OLFML2A: variants seen among roughly 807,000 people sequenced by gnomAD.
OLFML2A encodes the protein olfactomedin-like protein 2A.
In OLFML2A, 47 loss-of-function variants were observed where a neutral mutation model predicts 60.9. That is an observed-to-expected ratio of 0.77 (90% CI 0.61 to 0.98). The LOEUF (loss-of-function observed/expected upper bound fraction) is 0.98, where lower values mean the gene tolerates loss of function less well. OLFML2A is among the 50% of genes least tolerant of loss of function. The pLI is 0.00. For synonymous variants in OLFML2A, 372 were observed against 375.0 expected, an observed-to-expected ratio of 0.99 and a Z score of 0.09; for missense variants, 922 against 879.8, an observed-to-expected ratio of 1.05 and a Z score of -0.61.
In OLFML2A at chr9:124,799,473, C is replaced by G. The variant is rs1841733019; in HGVS notation, c.651C>G (p.Gly217=). The G allele has an allele frequency of 6.2e-7, 1 of 1,600,426 alleles. No homozygotes were observed. The highest frequency in any genetic ancestry group is 8.5e-7 in the Non-Finnish European group (1 of 1,174,540). The change falls in exon 4 of 8, where the codon GGC becomes GGG. Residue 217 remains glycine (G), a synonymous_variant. Transcript: ENST00000373580. ...CCGCCCCTGCCACCCCTGCCACGGG[C>G]ACTGGTAGCAAGGCCCAGGTGAGGC... The part of the protein sequence containing the change: ...AAAAPATPAT[G]TGSKAQDTAR...
At position 124,813,521 on chromosome 9, in the gene OLFML2A, G is replaced by A. The variant is rs11788516; in HGVS notation, c.*3109G>A. The A allele has an allele frequency of 0.092, 13,933 of 152,224 alleles. 958 individuals carry two copies. The highest frequency in any genetic ancestry group is 0.24 in the East Asian group (1,218 of 5,160). 9.4% of individuals were successfully genotyped at this position (152,224 alleles called of 1,614,324 possible). ...CACAGCAGCTCAGCCTGTTCCAGGC[G>A]CTGGTCAGTGCGTGTTCTTTGCCAC... On this transcript the variant is annotated 3_prime_UTR_variant, in exon 8 of 8. Coordinates refer to ENST00000373580, the MANE Select transcript of OLFML2A (RefSeq NM_182487.4).
rs999580592 is a variant in OLFML2A, at chr9:124,812,305, A to C, written c.*1893A>C. ...CCTCCCTAGTAGCTGGGACTACAGC[A>C]CCCACCACCACACCCAGCTAATTTT... is the stretch of plus-strand genomic sequence containing the variant. On this transcript the variant is annotated 3_prime_UTR_variant, in exon 8 of 8. Transcript: ENST00000373580. The C allele has an allele frequency of 1.3e-5, 2 of 151,838 alleles. No homozygotes were observed. The highest frequency in any genetic ancestry group is 2.9e-5 in the Non-Finnish European group (2 of 68,082). The allele number at this position is 151,838 out of a possible 1,614,324, so 9.4% of individuals were successfully genotyped here.
chr9:124,781,528 T>G (rs577773456), intron 1 of OLFML2A, among the ~76,000 whole-genome samples: 1 of 152,192 alleles, frequency 6.6e-6, no homozygotes, highest in African/African-American at 2.4e-5. Flanking sequence ...GCGTGGTGGC[T>G]CACACCTGTA....
chr9:124,781,788 C>T (rs527893811), intron 1 of OLFML2A, among the ~76,000 whole-genome samples: 15 of 147,458 alleles, frequency 1.0e-4, no homozygotes, highest in African/African-American at 2.8e-4. Context: ...AGCAAGAATC[C>T]GGCCAAAAAA....
chr9:124,783,600 T>C (rs551087820), intron 1 of OLFML2A, among the ~76,000 whole-genome samples: 2 of 152,376 alleles, frequency 1.3e-5, no homozygotes, highest in African/African-American at 4.8e-5. Context: ...ATGTTACAGA[T>C]GAAACAGAGG....
At chr9:124,796,254 C>A (rs1038419544) in intron 3 of OLFML2A, among the ~76,000 whole-genome samples, 2 of 152,230 alleles carry the variant, frequency 1.3e-5, no homozygotes, top group Admixed American at 6.5e-5. Flanking sequence ...ATTGGCCAAG[C>A]CCCTGGCAGC....
intron 1 of OLFML2A, among the ~76,000 whole-genome samples, chr9:124,778,238 G>C (rs1016126121): frequency 1.3e-5 from 2 of 151,980 alleles, no homozygotes; most frequent in African/African-American, 4.8e-5. Flanking sequence ...GTGGGCGCCT[G>C]TAGTCCCAGC....
intron 1 of OLFML2A, among the ~76,000 whole-genome samples, chr9:124,780,470 G>T (rs1478425897): frequency 6.6e-6 from 1 of 152,218 alleles, no homozygotes; most frequent in Non-Finnish European, 1.5e-5. Flanking sequence ...CAGGCAGGCG[G>T]TGGTGTCCGG....
In OLFML2A at chr9:124,801,576, C is replaced by A. The variant is rs1841777429; in HGVS notation, c.832C>A (p.Pro278Thr). Residue 278 changes from proline to threonine, a missense_variant, in exon 5 of 8, where the codon CCC becomes ACC. Pro to Thr is a conservative substitution (Grantham distance 38). Coordinates refer to ENST00000373580, the MANE Select transcript of OLFML2A (RefSeq NM_182487.4). ...KGSFLQPTAK[P>T]RALAQQQAVI... ...CAGTTTCCTCCAGCCCACAGCCAAG[C>A]CCCGCGCCCTGGCCCAGCAGCAGGC... The A allele has an allele frequency of 1.9e-6, 3 of 1,614,004 alleles. No homozygotes were observed. In the East Asian group the frequency reaches 6.7e-5, roughly 36 times the overall value.
chr9:124,803,024 T>G (rs772646706), intron 5 of OLFML2A, among the ~76,000 whole-genome samples: 2 of 152,136 alleles, frequency 1.3e-5, no homozygotes, highest in Non-Finnish European at 2.9e-5. Context: ...TTCTCTCGCC[T>G]CAGCCTCCCA....
intron 4 of OLFML2A, chr9:124,800,942 C>T (rs1841762371): frequency 6.5e-7 from 1 of 1,534,036 alleles, no homozygotes; most frequent in Admixed American, 2.0e-5. Context: ...TTCCAGGATG[C>T]AGCACTTTCA....
chr9:124,786,920 G>A, intron 1 of OLFML2A, 55 bp from the exon 2 acceptor site: 2 of 1,556,672 alleles, frequency 1.3e-6, no homozygotes, highest in Non-Finnish European at 1.7e-6. Context: ...CTTCCTCCCT[G>A]CCATAGCACT....
intron 7 of OLFML2A, 119 bp downstream of exon 7, chr9:124,808,085 A>G (rs2131280843): frequency 1.3e-6 from 1 of 759,512 alleles, no homozygotes; most frequent in Non-Finnish European, 2.1e-6. Flanking sequence ...GTTGAGCTCC[A>G]GATTGTTAGC....
intron 4 of OLFML2A, among the ~76,000 whole-genome samples, chr9:124,799,978 C>T (rs1302387217): frequency 1.3e-5 from 2 of 152,180 alleles, no homozygotes; most frequent in African/African-American, 4.8e-5. Context: ...GCAGCCAATA[C>T]CCAGGCACTC....
rs918904642 is a variant in OLFML2A, at chr9:124,777,643, C to T, written c.90+283C>T. Among the ~76,000 whole-genome samples the T allele has an allele frequency of 3.9e-5, 6 of 152,166 alleles. No individual in the cohort carries two copies. The highest frequency in any genetic ancestry group is 1.4e-4 in the African/African-American group (6 of 41,458). ...ATTCCCGGAGGGGTCGGGGGATTTC[C>T]CCGGAGTGCTGGCCAGACTCGGGGT... is the stretch of plus-strand genomic sequence containing the variant. On this transcript the variant is annotated intron_variant, in intron 1 of 7. Transcript: ENST00000373580. This position sits in a 1 kb window ranked among gnomAD's most constrained non-coding sequence, Gnocchi z 6.2.
At chr9:124,802,448 T>A (rs1841796234) in intron 5 of OLFML2A, among the ~76,000 whole-genome samples, 1 of 152,190 alleles carries the variant, frequency 6.6e-6, no homozygotes, top group Non-Finnish European at 1.5e-5. Flanking sequence ...GGTGAAACAG[T>A]CAGGGACCAG....
At chr9:124,780,198 A>G (rs1841335662) in intron 1 of OLFML2A, among the ~76,000 whole-genome samples, 1 of 152,182 alleles carries the variant, frequency 6.6e-6, no homozygotes, top group Non-Finnish European at 1.5e-5. Context: ...GTTGGAATGG[A>G]CAGGTAACCA....
intron 6 of OLFML2A, among the ~76,000 whole-genome samples, chr9:124,805,577 G>T (rs1159464384): frequency 1.3e-5 from 2 of 152,108 alleles, no homozygotes; most frequent in South Asian, 2.1e-4. Flanking sequence ...AAAAGAAAAG[G>T]AAGGAAATGC....
chr9:124,807,897 A>T lies in OLFML2A; in HGVS notation c.1285A>T (p.Ile429Phe). Residue 429 changes from isoleucine to phenylalanine, a missense_variant, in exon 7 of 8, where the codon ATC becomes TTC. Ile to Phe is a conservative substitution (Grantham distance 21). Coordinates refer to ENST00000373580, the MANE Select transcript of OLFML2A (RefSeq NM_182487.4). ...GGACCCTGCAGCTCGAGACGACAGG[A>T]TCTATGTCACCAACTACTACTATGG... ...MKDPAARDDR[I>F]YVTNYYYGNS... 1 of 1,614,160 alleles carries T rather than the reference A, an allele frequency of 6.2e-7. No individual in the cohort carries two copies. Among genetic ancestry groups the T allele is most frequent in the Admixed American group, 1.7e-5 (1 of 60,022 alleles).
Sources: gnomAD v4.1 joint callset for allele counts (sites outside exome capture counted in the v4.1 genomes callset) on GRCh38, gnomAD v4.1.1 for gene constraint, Gnocchi (gnomAD v3.1) non-coding constraint, MANE v1.5 for transcripts, NCBI Gene and HGNC (gene_info 2026-07-23, HGNC 2026-07-21) for gene names.